MTPN: variants seen among roughly 807,000 people sequenced by gnomAD.
MTPN encodes the protein granule cell differentiation protein.
A neutral mutation model predicts 13.5 loss-of-function variants in MTPN; 2 were observed. That is an observed-to-expected ratio of 0.15 (90% CI 0.06 to 0.47). MTPN has a LOEUF of 0.47. Among genes scored for constraint, MTPN ranks in the 20% least tolerant of loss-of-function variants. MTPN has a pLI of 0.97. For missense variants in MTPN, 79 were observed against 137.9 expected (o/e 0.57, Z 2.14); for synonymous variants, 46 against 51.7 (o/e 0.89, Z 0.48).
chr7:135,968,098 C>T (rs1378608996), intron 1 of MTPN, among the ~76,000 whole-genome samples: 2 of 152,004 alleles, frequency 1.3e-5, no homozygotes, highest in Non-Finnish European at 2.9e-5. Flanking sequence ...GCCTGGCCTA[C>T]AATTTTTTTT....
intron 3 of MTPN, among the ~76,000 whole-genome samples, chr7:135,936,149 C>A (rs1012083932): frequency 1.3e-5 from 2 of 152,076 alleles, no homozygotes; most frequent in African/African-American, 4.8e-5. Flanking sequence ...CTTTGCGATC[C>A]CAAGGCCTTG....
intron 1 of MTPN, among the ~76,000 whole-genome samples, chr7:135,957,632 G>A (rs779472913): frequency 4.6e-5 from 7 of 152,170 alleles, no homozygotes; most frequent in Non-Finnish European, 1.0e-4. Context: ...ATTTTGATGT[G>A]TGTCCAGGAA....
At chr7:135,952,822 G>A (rs1160671537) in intron 1 of MTPN, among the ~76,000 whole-genome samples, 5 of 152,056 alleles carry the variant, frequency 3.3e-5, no homozygotes, top group Non-Finnish European at 7.4e-5. Flanking sequence ...TTAGCCAGGC[G>A]TGATGGCATG....
intron 3 of MTPN, among the ~76,000 whole-genome samples, chr7:135,950,250 A>G (rs1282506076): frequency 1.3e-5 from 2 of 152,330 alleles, no homozygotes; most frequent in East Asian, 3.9e-4. Flanking sequence ...TGCTACTCAA[A>G]GCATGGTGTA....
intron 1 of MTPN, among the ~76,000 whole-genome samples, chr7:135,968,954 G>A (rs1799647120): frequency 1.3e-5 from 2 of 151,768 alleles, no homozygotes; most frequent in Non-Finnish European, 2.9e-5. Flanking sequence ...ATCTGTTTAT[G>A]ATAAAGATGA....
At chr7:135,956,649 TATCAA>T in intron 1 of MTPN, among the ~76,000 whole-genome samples, 1 of 152,338 alleles carries the variant, frequency 6.6e-6, no homozygotes, top group South Asian at 2.1e-4. Context: ...CCTCTCATCC[TATCAA>T]AAGCCATCCC....
Position 135,927,371 on chromosome 7 carries a change from G to C in MTPN, c.*2555C>G, listed in dbSNP as rs571494756. On this transcript the variant is annotated 3_prime_UTR_variant, in exon 4 of 4. Transcript: ENST00000393085. ...GATAACAGTCTGAAGCTGCAAGGGA[G>C]ACTTTGTTAGTACACTACTATAAAC... The C allele has an allele frequency of 3.0e-5, 46 of 1,549,918 alleles. No individual in the cohort carries two copies. The Admixed American group carries it at 7.8e-4, about 26-fold the overall frequency.
intron 3 of MTPN, among the ~76,000 whole-genome samples, chr7:135,945,009 A>G (rs1428489307): frequency 1.3e-5 from 2 of 152,234 alleles, no homozygotes; most frequent in African/African-American, 4.8e-5. Flanking sequence ...CCTAGGCTAC[A>G]AACCTATATC....
At chr7:135,975,783 A>C (rs1156613629) in intron 1 of MTPN, among the ~76,000 whole-genome samples, 2 of 152,246 alleles carry the variant, frequency 1.3e-5, no homozygotes, top group Non-Finnish European at 2.9e-5. Context: ...TGACGAGAAG[A>C]CAGCCTGTCC....
intron 1 of MTPN, among the ~76,000 whole-genome samples, chr7:135,952,702 C>T (rs945648684): frequency 2.0e-5 from 3 of 152,192 alleles, no homozygotes; most frequent in Admixed American, 2.0e-4. Flanking sequence ...TGGCTCACAC[C>T]TGTAATCCCA....
chr7:135,975,033 C>T (rs182503049), intron 1 of MTPN, among the ~76,000 whole-genome samples: 3 of 152,242 alleles, frequency 2.0e-5, no homozygotes, highest in Admixed American at 2.0e-4. Context: ...TTGGATAGTC[C>T]AACTTTCAAT....
At chr7:135,941,053 C>G (rs1799200873) in intron 3 of MTPN, among the ~76,000 whole-genome samples, 1 of 152,154 alleles carries the variant, frequency 6.6e-6, no homozygotes, top group African/African-American at 2.4e-5. Flanking sequence ...ACAGAAAGCC[C>G]CAAATGTTTA....
chr7:135,962,857 C>T (rs781170777), intron 1 of MTPN, among the ~76,000 whole-genome samples: 1 of 151,954 alleles, frequency 6.6e-6, no homozygotes, highest in Non-Finnish European at 1.5e-5. Context: ...ATGGCCGACT[C>T]CTACAGAGAA....
At chr7:135,959,494 A>G (rs1394373897) in intron 1 of MTPN, among the ~76,000 whole-genome samples, 2 of 152,190 alleles carry the variant, frequency 1.3e-5, no homozygotes, top group Non-Finnish European at 2.9e-5. Context: ...ATTAGAGTGT[A>G]AAGTATAGAA....
chr7:135,967,327 A>C (rs568071029), intron 1 of MTPN, among the ~76,000 whole-genome samples: 27 of 152,322 alleles, frequency 1.8e-4, no homozygotes, highest in African/African-American at 6.5e-4. Context: ...CAGGGAATCT[A>C]TGCAGAACAA....
intron 3 of MTPN, among the ~76,000 whole-genome samples, chr7:135,947,220 T>G (rs549104550): frequency 6.6e-6 from 1 of 152,328 alleles, no homozygotes; most frequent in South Asian, 2.1e-4. Context: ...TGCTTCTTCC[T>G]GAAGTGCATC....
chr7:135,955,829 C>T (rs991632157), intron 1 of MTPN, among the ~76,000 whole-genome samples: 5 of 140,620 alleles, frequency 3.6e-5, no homozygotes, highest in Admixed American at 7.2e-5. Context: ...GATTGACCAT[C>T]TCAATGGATT....
chr7:135,937,951 T>C (rs1562929477), intron 3 of MTPN, among the ~76,000 whole-genome samples: 1 of 152,192 alleles, frequency 6.6e-6, no homozygotes, highest in Non-Finnish European at 1.5e-5. Context: ...ATACAAAAAA[T>C]ATGTGTTGAC....
intron 1 of MTPN, among the ~76,000 whole-genome samples, chr7:135,965,720 T>C (rs558781128): frequency 1.4e-4 from 22 of 152,092 alleles, no homozygotes; most frequent in Non-Finnish European, 3.1e-4. Context: ...CTACAAACAG[T>C]GTGGGAAGTT....
Sources: allele counts gnomAD v4.1 joint callset (sites outside exome capture counted in the v4.1 genomes callset), GRCh38; gene constraint gnomAD v4.1.1; transcripts MANE v1.5; gene names NCBI Gene and HGNC (gene_info 2026-07-23, HGNC 2026-07-21).